MECOM: variants seen among roughly 807,000 people sequenced by gnomAD.
The protein encoded by MECOM is histone-lysine N-methyltransferase MECOM.
A neutral mutation model predicts 116.3 loss-of-function variants in MECOM; 13 were observed. The observed-to-expected ratio is 0.11, with a 90% CI of 0.07 to 0.18. MECOM has a LOEUF of 0.18. Among genes scored for constraint, MECOM ranks in the 10% least tolerant of loss-of-function variants. The pLI, the probability that MECOM is intolerant of heterozygous loss-of-function variation, is 1.00. For missense variants in MECOM, 1,299 were observed against 1,509.0 expected, an observed-to-expected ratio of 0.86 and a Z score of 2.31; for synonymous variants, 528 against 535.2, an observed-to-expected ratio of 0.99 and a Z score of 0.19.
At chr3:169,195,911 T>C (rs1033166175) in intron 2 of MECOM, among the ~76,000 whole-genome samples, 1 of 152,074 alleles carries the variant, frequency 6.6e-6, no homozygotes, top group Non-Finnish European at 1.5e-5. Context: ...CAGACAGCTT[T>C]GTTCTGTCAC....
At chr3:169,297,717 G>A (rs1312137387) in intron 2 of MECOM, among the ~76,000 whole-genome samples, 2 of 152,134 alleles carry the variant, frequency 1.3e-5, no homozygotes, top group Admixed American at 1.3e-4. Flanking sequence ...CTTAGCTTAA[G>A]AGGAAAGAAT....
intron 1 of MECOM, among the ~76,000 whole-genome samples, chr3:169,544,703 A>G (rs1247547279): frequency 1.3e-5 from 2 of 152,238 alleles, no homozygotes; most frequent in Non-Finnish European, 2.9e-5. Flanking sequence ...AAAAAGAACG[A>G]GATCATGTCC....
At chr3:169,430,981 A>G (rs532703172) in intron 1 of MECOM, among the ~76,000 whole-genome samples, 99 of 152,214 alleles carry the variant, frequency 6.5e-4, no homozygotes, top group Non-Finnish European at 1.0e-3. Flanking sequence ...ACACATTTTC[A>G]AGTGCAAGTT....
At chr3:169,324,091 A>G (rs1321980281) in intron 2 of MECOM, among the ~76,000 whole-genome samples, 1 of 152,194 alleles carries the variant, frequency 6.6e-6, no homozygotes. Context: ...CCTGAGTTAT[A>G]CAAGAAGGAT....
chr3:169,620,781 G>A (rs967670045), intron 1 of MECOM, among the ~76,000 whole-genome samples: 8 of 152,202 alleles, frequency 5.3e-5, no homozygotes, highest in Admixed American at 1.3e-4. Context: ...AGCAGCCAGA[G>A]CTAGCGATAG....
At chr3:169,133,516 A>G (rs891490374) in intron 3 of MECOM, 12 of 153,128 alleles carry the variant, frequency 7.8e-5, no homozygotes, top group Admixed American at 2.6e-4. Flanking sequence ...ATAGTAGTTG[A>G]ACCACCTGAA....
intron 1 of MECOM, among the ~76,000 whole-genome samples, chr3:169,398,394 A>G (rs1431831679): frequency 1.3e-5 from 2 of 152,214 alleles, no homozygotes; most frequent in East Asian, 1.9e-4. Context: ...TGAAGAACAT[A>G]TCATACACTT....
intron 2 of MECOM, among the ~76,000 whole-genome samples, chr3:169,176,155 AC>A (rs1559954484): frequency 2.0e-5 from 3 of 149,548 alleles, no homozygotes; most frequent in East Asian, 2.0e-4. Context: ...AAAAAAAAAA[AC>A]CCCTCATATG....
chr3:169,355,436 A>C (rs951309433), intron 2 of MECOM, among the ~76,000 whole-genome samples: 2 of 151,960 alleles, frequency 1.3e-5, no homozygotes, highest in African/African-American at 2.4e-5. Context: ...GGAAACTAGG[A>C]TTGCAAAGTA....
chr3:169,203,190 G>A (rs1006366695), intron 2 of MECOM, among the ~76,000 whole-genome samples: 6 of 152,074 alleles, frequency 3.9e-5, no homozygotes, highest in Admixed American at 6.6e-5. Context: ...ACTTCACCTC[G>A]ACAGGAAGCA....
At chr3:169,461,092 G>T (rs1320426777) in intron 1 of MECOM, among the ~76,000 whole-genome samples, 1 of 152,014 alleles carries the variant, frequency 6.6e-6, no homozygotes, top group Non-Finnish European at 1.5e-5. Context: ...ACAAGCAGTT[G>T]TATCAAGGAT....
intron 9 of MECOM, 92 bp downstream of exon 9, chr3:169,112,695 T>C (rs994723126): frequency 1.6e-5 from 15 of 965,056 alleles, no homozygotes; most frequent in Middle Eastern, 2.2e-4. Flanking sequence ...GAAATCCTAA[T>C]GTTCTCAAGA....
At chr3:169,585,931 G>A (rs2109585985) in intron 1 of MECOM, among the ~76,000 whole-genome samples, 1 of 152,248 alleles carries the variant, frequency 6.6e-6, no homozygotes, top group South Asian at 2.1e-4. Context: ...TCTGTATCCT[G>A]GGAGGCAAAT....
At chr3:169,518,659 TAAG>T (rs1190483931) in intron 1 of MECOM, among the ~76,000 whole-genome samples, 1 of 152,230 alleles carries the variant, frequency 6.6e-6, no homozygotes, top group Non-Finnish European at 1.5e-5. Context: ...ATAATAATTC[TAAG>T]AATAGCTCTA....
At chr3:169,388,886 C>A (rs1312356106) in intron 1 of MECOM, among the ~76,000 whole-genome samples, 1 of 152,100 alleles carries the variant, frequency 6.6e-6, no homozygotes, top group Non-Finnish European at 1.5e-5. Flanking sequence ...CCTTATGGAA[C>A]TTTTCCCCAG....
intron 7 of MECOM, among the ~76,000 whole-genome samples, chr3:169,119,056 A>G (rs960368805): frequency 6.6e-6 from 1 of 152,232 alleles, no homozygotes; most frequent in African/African-American, 2.4e-5. Flanking sequence ...GAATATATTC[A>G]GCCTATTAGA....
chr3:169,404,308 C>T (rs1298159117), intron 1 of MECOM, among the ~76,000 whole-genome samples: 2 of 152,100 alleles, frequency 1.3e-5, no homozygotes, highest in African/African-American at 4.8e-5. Context: ...CACACCACCA[C>T]ACAAGTCTTG....
rs903285634 is a variant in MECOM, at chr3:169,092,999, G to A, written c.3123C>T (p.Asn1041=). The A allele has an allele frequency of 1.1e-5, 18 of 1,613,650 alleles. No individual in the cohort carries two copies. Among genetic ancestry groups the A allele is most frequent in the Non-Finnish European group, 1.4e-5 (16 of 1,179,784 alleles). The change falls in exon 14 of 17, where the codon AAC becomes AAT. Residue 1041 remains asparagine, a synonymous_variant. Transcript: ENST00000651503. ...YFTEIRNFIG[N]SNHGSQSPRN... is the part of the protein sequence containing the mutation. ...TGGGAGATTGGCTGCCATGGTTGCTGTTCCCAATGAAATTTCGAATTTCTG... is the reference window on the plus strand; with the variant it reads ...TGGGAGATTGGCTGCCATGGTTGCTATTCCCAATGAAATTTCGAATTTCTG...
At chr3:169,434,970 A>T (rs1405309376) in intron 1 of MECOM, among the ~76,000 whole-genome samples, 1 of 152,198 alleles carries the variant, frequency 6.6e-6, no homozygotes, top group African/African-American at 2.4e-5. Flanking sequence ...GAATGTATTC[A>T]TTAGGCTAGT....
Sources: allele counts gnomAD v4.1 joint callset (sites outside exome capture counted in the v4.1 genomes callset), GRCh38; gene constraint gnomAD v4.1.1; transcripts MANE v1.5; gene names NCBI Gene and HGNC (gene_info 2026-07-23, HGNC 2026-07-21).